Variants in PER3 observed in about 807,000 individuals in gnomAD.
The protein encoded by PER3 is period circadian regulator 3, also known as period circadian protein homolog 3.
Under a neutral mutation model 127.2 loss-of-function variants are expected in PER3, and 107 were observed. That is an observed-to-expected ratio of 0.84 (90% CI 0.72 to 0.99). The LOEUF is 0.99. Ranked by LOEUF, PER3 falls within the 50% of genes least tolerant of loss-of-function variation. The probability of loss-of-function intolerance (pLI) is 0.00; values close to 1 mark genes in which losing one functional copy is unlikely to be tolerated. For synonymous variants in PER3, 618 were observed against 585.8 expected, an observed-to-expected ratio of 1.05 and a Z score of -0.79; for missense variants, 1,560 against 1,525.8, an observed-to-expected ratio of 1.02 and a Z score of -0.37.
In PER3 at chr1:7,786,447, C is replaced by T. The variant is rs2797686; in HGVS notation, c.275-274C>T. The stretch of plus-strand genomic sequence containing the variant: ...GACAGAGTACTGTTTCTGCTCCCCC[C>T]GCAAAAAAATTGTGTATGCATCTGA... On this transcript the variant is annotated intron_variant, in intron 3 of 21. Transcript: ENST00000377532. Among the ~76,000 whole-genome samples, 1,360 of 152,054 alleles carry T rather than the reference C, an allele frequency of 8.9e-3. 16 individuals carry two copies. The highest frequency in any genetic ancestry group is 0.03 in the African/African-American group (1,257 of 41,494).
At chr1:7,797,462 C>G in intron 6 of PER3, among the ~76,000 whole-genome samples, 1 of 152,020 alleles carries the variant, frequency 6.6e-6, no homozygotes, top group Non-Finnish European at 1.5e-5. Flanking sequence ...TGGTGAAACC[C>G]CATCTCTACT....
chr1:7,829,774 G>A, intron 18 of PER3, 60 bp from the exon 19 acceptor site: 1 of 1,350,702 alleles, frequency 7.4e-7, no homozygotes, highest in Admixed American at 1.8e-5. Context: ...AATAAAGGAG[G>A]ACTACTGTAT....
At chr1:7,805,469 C>T (rs1467779649) in intron 10 of PER3, among the ~76,000 whole-genome samples, 1 of 152,116 alleles carries the variant, frequency 6.6e-6, no homozygotes, top group Admixed American at 6.6e-5. Flanking sequence ...GGGTTTGGCC[C>T]CTCCGCAGAG....
intron 21 of PER3, among the ~76,000 whole-genome samples, chr1:7,839,170 A>G (rs780985872): frequency 3.3e-5 from 5 of 152,222 alleles, no homozygotes; most frequent in Non-Finnish European, 7.3e-5. Context: ...ATATCACTCC[A>G]GTGTGTAATT....
chr1:7,787,093 C>T (rs2097095285), intron 4 of PER3: 1 of 374,994 alleles, frequency 2.7e-6, no homozygotes. Context: ...CTTAGCATTC[C>T]CAAGCTCTCT....
At chr1:7,816,034 GAA>G (rs1225124301) in intron 13 of PER3, among the ~76,000 whole-genome samples, 2 of 134,016 alleles carry the variant, frequency 1.5e-5, no homozygotes, top group Admixed American at 1.6e-4. Flanking sequence ...TGAACAAAAT[GAA>G]AAGAGAACAT....
At chr1:7,786,314 A>G (rs2097090513) in intron 3 of PER3, among the ~76,000 whole-genome samples, 1 of 152,208 alleles carries the variant, frequency 6.6e-6, no homozygotes, top group Non-Finnish European at 1.5e-5. Flanking sequence ...CAAACTAAAA[A>G]TGAACCATTG....
At chr1:7,822,884 C>T (rs1054641326) in intron 16 of PER3, among the ~76,000 whole-genome samples, 2 of 152,096 alleles carry the variant, frequency 1.3e-5, no homozygotes, top group Non-Finnish European at 2.9e-5. Context: ...TACAGTGAAA[C>T]CCCATCTCTA....
chr1:7,823,464 G>A (rs1157449624), intron 16 of PER3, among the ~76,000 whole-genome samples: 3 of 152,150 alleles, frequency 2.0e-5, no homozygotes, highest in Non-Finnish European at 4.4e-5. Flanking sequence ...CCAACACGGA[G>A]AAACCCCATC....
At chr1:7,796,111 C>G (rs1347507211) in intron 6 of PER3, among the ~76,000 whole-genome samples, 1 of 152,190 alleles carries the variant, frequency 6.6e-6, no homozygotes, top group Non-Finnish European at 1.5e-5. Context: ...TTGTTTTAAG[C>G]ATGAGACACC....
intron 14 of PER3, 64 bp from the exon 15 acceptor site, chr1:7,820,051 A>AGAG: frequency 6.5e-7 from 1 of 1,546,328 alleles, no homozygotes; most frequent in Non-Finnish European, 8.8e-7. Flanking sequence ...AGAAAAGCAA[A>AGAG]GAGGTGGGAA....
Position 7,827,117 on chromosome 1 carries a change from GGA to G in PER3, c.2191_2192del (p.Asp731PhefsTer131), listed in dbSNP as rs749650628. On this transcript the variant is annotated frameshift_variant and splice_region_variant, in exon 18 of 22. Coordinates refer to ENST00000377532, the MANE Select transcript of PER3 (RefSeq NM_001377275.1). LOFTEE classifies it high-confidence loss of function. The stretch of plus-strand genomic sequence containing the variant: ...ATTTGCCTCTACCTTTATCCTTCCA[GGA>G]GATTCTACTTCCAAGCAGACGCGGT... ...RSKAKYSYFQ[G>X]DSTSKQTRSA... 6.3e-7 allele frequency: 1 copy of G among 1,583,952 alleles called. No individual in the cohort carries two copies. Among genetic ancestry groups the G allele is most frequent in the African/African-American group, 1.4e-5 (1 of 73,832 alleles).
chr1:7,809,988 T>C lies in PER3; in HGVS notation c.1338T>C (p.Ser446=), dbSNP rs228669. ...GCATCGCCTCCTCCAGTGAGGCCAG[T>C]GGGCACCGTGTGGAGGAGACGAAGG... The part of the protein sequence containing the change: ...LVSIASSSEA[S]GHRVEETKAE... Residue 446 remains serine (S), a synonymous_variant, in exon 12 of 22, where the codon AGT becomes AGC. Coordinates refer to ENST00000377532, the MANE Select transcript of PER3 (RefSeq NM_001377275.1). 0.92 allele frequency: 1,479,867 copies of C among 1,613,778 alleles called. 681,373 individuals are homozygous for C. The highest frequency in any genetic ancestry group is 0.97 in the African/African-American group (72,470 of 75,036).
At chr1:7,818,983 C>T (rs567178318) in intron 13 of PER3, among the ~76,000 whole-genome samples, 5 of 152,350 alleles carry the variant, frequency 3.3e-5, no homozygotes, top group Admixed American at 2.6e-4. Context: ...CCCCATCAAC[C>T]TTAAACCTAT....
chr1:7,808,919 C>T lies in PER3; in HGVS notation c.1163C>T (p.Ala388Val). Reference protein sequence around the residue: ...RTSPLNEDVFATKIKKMNDND... With the variant: ...RTSPLNEDVFVTKIKKMNDND... ...AGCCCACTAAATGAGGATGTTTTTG[C>T]TACCAAAATTAAAAAGATGAACGAT... The change falls in exon 11 of 22, where the codon GCT becomes GTT. Residue 388 changes from alanine to valine, a missense_variant. Ala to Val is a moderately conservative substitution (Grantham distance 64, BLOSUM62 0). Transcript: ENST00000377532. The T allele has an allele frequency of 6.3e-7, 1 of 1,597,378 alleles. No individual in the cohort carries two copies.
In PER3 at chr1:7,785,573, C is replaced by T; in HGVS notation, c.261C>T (p.Val87=). The T allele has an allele frequency of 1.2e-6, 2 of 1,612,394 alleles. No homozygotes were observed. Among genetic ancestry groups the T allele is most frequent in the Non-Finnish European group, 1.7e-6 (2 of 1,179,052 alleles). Residue 87 remains valine (V), a synonymous_variant, in exon 3 of 22, where the codon GTC becomes GTT. Coordinates refer to ENST00000377532, the MANE Select transcript of PER3 (RefSeq NM_001377275.1). ...LDALNYALRC[V]HSVQANSEFF... ...CCCTCAACTATGCTCTCCGCTGTGT[C>T]CACAGCGTTCAAGGTAAACAAGCCG...
At chr1:7,785,071 G>A (rs1292389161) in intron 2 of PER3, 66 bp downstream of exon 2, 3 of 1,508,990 alleles carry the variant, frequency 2.0e-6, no homozygotes, top group Non-Finnish European at 2.7e-6. Flanking sequence ...CAGGGAAAGG[G>A]GGACCTAAAT....
chr1:7,786,034 A>T (rs1390088604), intron 3 of PER3, among the ~76,000 whole-genome samples: 1 of 152,206 alleles, frequency 6.6e-6, no homozygotes, highest in Non-Finnish European at 1.5e-5. Flanking sequence ...AGGCGGGCAG[A>T]TCACGAGGTC....
chr1:7,794,033 C>G, intron 6 of PER3, 25 bp downstream of exon 6: 1 of 1,587,052 alleles, frequency 6.3e-7, no homozygotes, highest in South Asian at 1.1e-5. Context: ...TCGTGGAAGC[C>G]AGCAACAGTG....
Sources: gnomAD v4.1 joint callset for allele counts (sites outside exome capture counted in the v4.1 genomes callset) on GRCh38, gnomAD v4.1.1 for gene constraint, MANE v1.5 for transcripts, NCBI Gene and HGNC (gene_info 2026-07-23, HGNC 2026-07-21) for gene names.